NUDT4: variants seen among roughly 807,000 people sequenced by gnomAD.
The protein encoded by NUDT4 is diphosphoinositol polyphosphate phosphohydrolase 2.
NUDT4 carries 5 observed loss-of-function variants against 23.1 expected under a neutral mutation model. The observed-to-expected ratio is 0.22, with a 90% confidence interval of 0.11 to 0.46. The LOEUF (loss-of-function observed/expected upper bound fraction) is 0.46, where lower values mean the gene tolerates loss of function less well. NUDT4 is among the 20% of genes least tolerant of loss of function. The pLI is 0.99. For synonymous variants in NUDT4, 50 were observed against 79.0 expected, an observed-to-expected ratio of 0.63 and a Z score of 1.95; for missense variants, 96 against 211.6, an observed-to-expected ratio of 0.45 and a Z score of 3.39.
intron 1 of NUDT4, among the ~76,000 whole-genome samples, chr12:93,386,909 A>G (rs1412937561): frequency 6.6e-6 from 1 of 152,090 alleles, no homozygotes; most frequent in African/African-American, 2.4e-5. Flanking sequence ...CCTCTGGAAA[A>G]CAATACTGAA....
intron 1 of NUDT4, among the ~76,000 whole-genome samples, chr12:93,387,798 T>C (rs1453863248): frequency 6.6e-6 from 1 of 152,140 alleles, no homozygotes; most frequent in Non-Finnish European, 1.5e-5. Context: ...TCACTGTTAT[T>C]GGGGTTGGGG....
intron 1 of NUDT4, among the ~76,000 whole-genome samples, chr12:93,382,308 T>C (rs1875725789): frequency 1.3e-5 from 2 of 150,590 alleles, no homozygotes; most frequent in Admixed American, 1.3e-4. Flanking sequence ...TACTCTTCCA[T>C]AGGACTTGCT....
chr12:93,386,888 A>C (rs1035292281), intron 1 of NUDT4, among the ~76,000 whole-genome samples: 16 of 152,172 alleles, frequency 1.1e-4, no homozygotes, highest in African/African-American at 3.4e-4. Flanking sequence ...ACACCTTCTT[A>C]TTAATTTTGG....
chr12:93,398,012 A>T (rs1169215814), intron 3 of NUDT4, among the ~76,000 whole-genome samples: 7 of 152,158 alleles, frequency 4.6e-5, no homozygotes, highest in Non-Finnish European at 1.0e-4. Context: ...TATTTTAATA[A>T]GATTGCATTC....
At chr12:93,379,516 G>C (rs1565773732) in intron 1 of NUDT4, among the ~76,000 whole-genome samples, 1 of 152,174 alleles carries the variant, frequency 6.6e-6, no homozygotes, top group Non-Finnish European at 1.5e-5. Context: ...ACACTCAGTG[G>C]CTTAGTTCTT....
rs1372135697 is a variant in NUDT4 at position 93,403,571 on chromosome 12, G to C, written c.*4192G>C. 4 of 152,100 alleles carry C rather than the reference G, an allele frequency of 2.6e-5. No individual in the cohort carries two copies. Among genetic ancestry groups the C allele is most frequent in the Non-Finnish European group, 5.9e-5 (4 of 68,060 alleles). 9.4% of individuals were successfully genotyped at this position (152,100 alleles called of 1,614,324 possible). A position where few individuals can be genotyped will look rare whatever the true frequency, so the allele number is the denominator to read the frequency against. On this transcript the variant is annotated 3_prime_UTR_variant, in exon 5 of 5. Transcript: ENST00000415493. ...CCTGACCTCGTGATCCGCCTGCCTCGGCCTCCCTAAGTGCTGGGATTATGG... is the reference window on the plus strand; with the variant it reads ...CCTGACCTCGTGATCCGCCTGCCTCCGCCTCCCTAAGTGCTGGGATTATGG...
chr12:93,377,987 G>T lies in NUDT4; in HGVS notation c.-336G>T, dbSNP rs1875306566. The stretch of plus-strand genomic sequence containing the variant: ...TCGCAACTGTCTCCGCGTGGCGCGC[G>T]CCTCTAGCCGCCCTTCCCCTGGCGG... On this transcript the variant is annotated 5_prime_UTR_variant, in exon 1 of 5. Transcript: ENST00000415493. 1 of 240,364 alleles carries T rather than the reference G, an allele frequency of 4.2e-6. No individual in the cohort carries two copies. Among genetic ancestry groups the T allele is most frequent in the Middle Eastern group, 1.6e-3 (1 of 624 alleles). 14.9% of individuals were successfully genotyped at this position (240,364 alleles called of 1,614,324 possible).
At position 93,404,260 on chromosome 12, in the gene NUDT4, C is replaced by T. The variant is rs1323110999; in HGVS notation, c.*4881C>T. On this transcript the variant is annotated 3_prime_UTR_variant, in exon 5 of 5. Transcript: ENST00000415493. Reference sequence around the variant, plus strand: ...CAAAGACATATACCAAGACAAGGCACTAGAGTGAAAAGCCATTAAAATAAA... The same window carrying T: ...CAAAGACATATACCAAGACAAGGCATTAGAGTGAAAAGCCATTAAAATAAA... The T allele has an allele frequency of 6.6e-6, 1 of 152,130 alleles. No homozygotes were observed. Among genetic ancestry groups the T allele is most frequent in the Non-Finnish European group, 1.5e-5 (1 of 68,024 alleles). 9.4% of individuals were successfully genotyped at this position (152,130 alleles called of 1,614,324 possible).
chr12:93,386,906 A>G (rs1876140978), intron 1 of NUDT4, among the ~76,000 whole-genome samples: 1 of 152,066 alleles, frequency 6.6e-6, no homozygotes, highest in African/African-American at 2.4e-5. Flanking sequence ...TGGCCTCTGG[A>G]AAACAATACT....
At chr12:93,380,159 G>A (rs1457033600) in intron 1 of NUDT4, among the ~76,000 whole-genome samples, 1 of 152,162 alleles carries the variant, frequency 6.6e-6, no homozygotes, top group Non-Finnish European at 1.5e-5. Context: ...GAGTGAGTGA[G>A]ATTTTTGTGA....
rs1877521121 is a variant in NUDT4, at chr12:93,402,422, C to T, written c.*3043C>T. 1 of 152,166 alleles carries T rather than the reference C, an allele frequency of 6.6e-6. No individual in the cohort carries two copies. Among genetic ancestry groups the T allele is most frequent in the Admixed American group, 6.6e-5 (1 of 15,266 alleles). The allele number at this position is 152,166 out of a possible 1,614,324, so 9.4% of individuals were successfully genotyped here. ...AACGTATACCTTTCAGTGCATAGTG[C>T]ATTGTGTGCTTACCCTGGGTTGTTT... On this transcript the variant is annotated 3_prime_UTR_variant, in exon 5 of 5. Coordinates refer to ENST00000415493, the MANE Select transcript of NUDT4 (RefSeq NM_019094.6).
intron 2 of NUDT4, 25 bp downstream of exon 2, chr12:93,394,744 C>A: frequency 1.4e-6 from 2 of 1,449,108 alleles, no homozygotes; most frequent in Middle Eastern, 1.7e-4. Context: ...CACACAAATT[C>A]TGTTTCGGAG....
At chr12:93,380,204 T>C (rs1401710336) in intron 1 of NUDT4, among the ~76,000 whole-genome samples, 1 of 152,170 alleles carries the variant, frequency 6.6e-6, no homozygotes, top group Non-Finnish European at 1.5e-5. Context: ...AAGTGGTGAC[T>C]GAAGTGTTGC....
At chr12:93,392,065 G>A (rs1323080520) in intron 1 of NUDT4, among the ~76,000 whole-genome samples, 1 of 151,714 alleles carries the variant, frequency 6.6e-6, no homozygotes, top group African/African-American at 2.4e-5. Flanking sequence ...TGTATTTTTA[G>A]TAGAGATAGG....
chr12:93,391,693 T>A (rs954947157), intron 1 of NUDT4, among the ~76,000 whole-genome samples: 1 of 152,092 alleles, frequency 6.6e-6, no homozygotes, highest in African/African-American at 2.4e-5. Flanking sequence ...GCAGAGATTG[T>A]GTCACTGCAC....
At chr12:93,393,962 G>A (rs1052861997) in intron 1 of NUDT4, among the ~76,000 whole-genome samples, 1 of 152,138 alleles carries the variant, frequency 6.6e-6, no homozygotes, top group Non-Finnish European at 1.5e-5. Flanking sequence ...AAACTTATGT[G>A]ACCATAGACC....
Position 93,394,658 on chromosome 12 carries a change from G to A in NUDT4, c.149G>A (p.Gly50Glu). The part of the protein sequence containing the change: ...SRYPDQWIVP[G>E]GGMEPEEEPG... ...TACCCAGACCAGTGGATTGTCCCAGGAGGAGGAATGGAACCCGAGGAGGAA... is the reference window on the plus strand; with the variant it reads ...TACCCAGACCAGTGGATTGTCCCAGAAGGAGGAATGGAACCCGAGGAGGAA... The change falls in exon 2 of 5, where the codon GGA becomes GAA. Residue 50 changes from glycine to glutamate, a missense_variant. By Grantham distance (98) the Gly-to-Glu change is moderately conservative. Transcript: ENST00000415493. 1 of 1,555,994 alleles carries A rather than the reference G, an allele frequency of 6.4e-7. No individual in the cohort carries two copies.
At chr12:93,397,604 G>A (rs1314912517) in intron 3 of NUDT4, among the ~76,000 whole-genome samples, 2 of 151,982 alleles carry the variant, frequency 1.3e-5, no homozygotes, top group African/African-American at 2.4e-5. Flanking sequence ...TGGGCTCATC[G>A]CCACGTCCGC....
intron 1 of NUDT4, 46 bp from the exon 2 acceptor site, chr12:93,394,563 A>T (rs12811952): frequency 0.16 from 169,555 of 1,049,254 alleles, 14,452 homozygotes; most frequent in African/African-American, 0.2. Context: ...TTTATATACG[A>T]AGTGCTTCTC....
Sources: gnomAD v4.1 joint callset for allele counts (sites outside exome capture counted in the v4.1 genomes callset) on GRCh38, gnomAD v4.1.1 for gene constraint, MANE v1.5 for transcripts, NCBI Gene and HGNC (gene_info 2026-07-23, HGNC 2026-07-21) for gene names.